KLHL18: variants seen among roughly 807,000 people sequenced by gnomAD.
KLHL18 encodes the protein kelch-like protein 18.
Under a neutral mutation model 58.5 loss-of-function variants are expected in KLHL18, and 38 were observed. The observed-to-expected ratio is 0.65, with a 90% CI of 0.50 to 0.85. The LOEUF (loss-of-function observed/expected upper bound fraction) is 0.85. Among genes scored for constraint, KLHL18 ranks in the 40% least tolerant of loss-of-function variants. KLHL18 has a pLI of 0.00. For missense variants in KLHL18, 624 were observed against 778.4 expected, an observed-to-expected ratio of 0.80 and a Z score of 2.36; for synonymous variants, 303 against 301.9, an observed-to-expected ratio of 1.00 and a Z score of -0.04.
intron 1 of KLHL18, among the ~76,000 whole-genome samples, chr3:47,301,796 T>TTTC (rs373421325): frequency 6.6e-6 from 1 of 152,162 alleles, no homozygotes; most frequent in African/African-American, 2.4e-5. Context: ...TTTTGTTTTG[T>TTTC]TTCTTCTTCT....
chr3:47,339,696 C>T (rs981272902), intron 7 of KLHL18, among the ~76,000 whole-genome samples: 1 of 152,096 alleles, frequency 6.6e-6, no homozygotes, highest in Non-Finnish European at 1.5e-5. Context: ...GGACATCATA[C>T]TTATCACTGT....
intron 1 of KLHL18, among the ~76,000 whole-genome samples, chr3:47,289,448 A>G (rs1227233421): frequency 6.6e-6 from 1 of 152,210 alleles, no homozygotes; most frequent in East Asian, 1.9e-4. Flanking sequence ...AGAGCTACAC[A>G]TTTGAATCTG....
chr3:47,309,383 G>A (rs537764803), intron 1 of KLHL18, among the ~76,000 whole-genome samples: 37 of 151,804 alleles, frequency 2.4e-4, no homozygotes, highest in African/African-American at 6.5e-4. Context: ...CAGACGGGGC[G>A]GCCGGGCAGA....
rs115060971 is a variant in KLHL18, at chr3:47,312,184, G to T, written c.130-7469G>T. Among the ~76,000 whole-genome samples the T allele has an allele frequency of 7.6e-3, 1,165 of 152,310 alleles. 17 individuals carry two copies. The highest frequency in any genetic ancestry group is 0.027 in the African/African-American group (1,110 of 41,564). On this transcript the variant is annotated intron_variant, in intron 1 of 9. Transcript: ENST00000232766. Reference sequence around the variant, plus strand: ...GCACTGTTTGTTGAATACACAAGGAGATCTCATGTCCTGATCTAGCCTCAG... The same window carrying T: ...GCACTGTTTGTTGAATACACAAGGATATCTCATGTCCTGATCTAGCCTCAG...
intron 1 of KLHL18, among the ~76,000 whole-genome samples, chr3:47,303,953 T>A (rs1156650033): frequency 6.6e-6 from 1 of 152,092 alleles, no homozygotes; most frequent in Non-Finnish European, 1.5e-5. Flanking sequence ...GGTCTCGAAC[T>A]GCTAGCCTGA....
chr3:47,342,399 T>C (rs1230612316), intron 8 of KLHL18, among the ~76,000 whole-genome samples: 1 of 152,070 alleles, frequency 6.6e-6, no homozygotes, highest in African/African-American at 2.4e-5. Context: ...GCACTGAGCT[T>C]TATAAGTACA....
intron 1 of KLHL18, among the ~76,000 whole-genome samples, chr3:47,316,532 TATATATAC>T (rs1186016504): frequency 0.079 from 540 of 6,872 alleles, 63 homozygotes; most frequent in Admixed American, 0.11. Context: ...TATATATGTA[TATATATAC>T]ATATATACAT....
chr3:47,298,988 T>C (rs1485379362), intron 1 of KLHL18, among the ~76,000 whole-genome samples: 1 of 152,250 alleles, frequency 6.6e-6, no homozygotes, highest in Non-Finnish European at 1.5e-5. Context: ...AAAGCTGCTA[T>C]GGATATTCAT....
intron 1 of KLHL18, among the ~76,000 whole-genome samples, chr3:47,288,902 G>T (rs931753784): frequency 6.6e-6 from 1 of 152,218 alleles, no homozygotes; most frequent in African/African-American, 2.4e-5. Flanking sequence ...GTTGAGTTTC[G>T]TGTCCTTTGC....
Position 47,334,781 on chromosome 3 carries a change from C to T in KLHL18, c.860C>T (p.Ala287Val). ...RTRPRCCTSI[A>V]GLIYAVGGLN... ...CGGCCACGCTGCTGCACATCCATCGCTGGACTTATCTACGCTGTAGGGGGC... is the reference window on the plus strand; with the variant it reads ...CGGCCACGCTGCTGCACATCCATCGTTGGACTTATCTACGCTGTAGGGGGC... Residue 287 changes from alanine to valine, a missense_variant, in exon 6 of 10, where the codon GCT becomes GTT. Transcript: ENST00000232766. This position sits in a 1 kb window ranked among gnomAD's most constrained non-coding sequence, Gnocchi z 4.7. The T allele has an allele frequency of 6.2e-7, 1 of 1,614,136 alleles. No individual in the cohort carries two copies. Among genetic ancestry groups the T allele is most frequent in the Non-Finnish European group, 8.5e-7 (1 of 1,180,004 alleles).
At chr3:47,329,196 G>A (rs1054611789) in intron 3 of KLHL18, among the ~76,000 whole-genome samples, 11 of 111,740 alleles carry the variant, frequency 9.8e-5, no homozygotes, top group Middle Eastern at 4.1e-3. Context: ...CCATCTGTCC[G>A]TGTTGTGTTT....
chr3:47,339,324 C>T (rs972573264), intron 7 of KLHL18, among the ~76,000 whole-genome samples: 30 of 150,818 alleles, frequency 2.0e-4, no homozygotes, highest in African/African-American at 6.6e-4. Flanking sequence ...GTGAGACCCC[C>T]GTCTATACAA....
intron 1 of KLHL18, among the ~76,000 whole-genome samples, chr3:47,309,287 A>ATTGC (rs1235188310): frequency 6.6e-6 from 1 of 152,044 alleles, no homozygotes; most frequent in African/African-American, 2.4e-5. Flanking sequence ...TGTTGGGTAC[A>ATTGC]CCTCCCAGAC....
At chr3:47,341,800 G>A (rs960465686) in intron 8 of KLHL18, among the ~76,000 whole-genome samples, 2 of 150,522 alleles carry the variant, frequency 1.3e-5, no homozygotes, top group Non-Finnish European at 2.9e-5. Flanking sequence ...GCTCACGCCT[G>A]TAATCCTAAC....
chr3:47,305,278 C>G (rs1446042887), intron 1 of KLHL18, among the ~76,000 whole-genome samples: 1 of 147,832 alleles, frequency 6.8e-6, no homozygotes, highest in Non-Finnish European at 1.5e-5. Flanking sequence ...GGAAGTTCCC[C>G]TCAATTCCTA....
At chr3:47,315,235 C>T (rs899955091) in intron 1 of KLHL18, among the ~76,000 whole-genome samples, 1 of 151,978 alleles carries the variant, frequency 6.6e-6, no homozygotes, top group Non-Finnish European at 1.5e-5. Flanking sequence ...AGTGTAGAAC[C>T]CTGGAATTGT....
At chr3:47,297,767 G>A in intron 1 of KLHL18, 1 of 392,740 alleles carries the variant, frequency 2.5e-6, no homozygotes, top group Non-Finnish European at 5.1e-6. Flanking sequence ...GTACAACTGA[G>A]TATGAGGCAC....
rs1345860845 is a variant in KLHL18, at chr3:47,329,936, T to C, written c.402-15T>C. 1.2e-6 allele frequency: 2 copies of C among 1,612,336 alleles called. No homozygotes were observed. Among genetic ancestry groups the C allele is most frequent in the South Asian group, 2.2e-5 (2 of 90,950 alleles). ...TTTCTTCCTCTAATTTTTTTTTTCT[T>C]TCCTTATGCCAAAGGCTTCACCCAA... On this transcript the variant is annotated splice_polypyrimidine_tract_variant and intron_variant, in intron 3 of 9. Coordinates refer to ENST00000232766, the MANE Select transcript of KLHL18 (RefSeq NM_025010.5).
chr3:47,342,113 T>C (rs1277030508), intron 8 of KLHL18, among the ~76,000 whole-genome samples: 1 of 151,918 alleles, frequency 6.6e-6, no homozygotes, highest in Non-Finnish European at 1.5e-5. Flanking sequence ...AAAAACCACA[T>C]GAAGGAACCT....
Sources: gnomAD v4.1 joint callset for allele counts (sites outside exome capture counted in the v4.1 genomes callset) on GRCh38, gnomAD v4.1.1 for gene constraint, Gnocchi (gnomAD v3.1) non-coding constraint, MANE v1.5 for transcripts, NCBI Gene and HGNC (gene_info 2026-07-23, HGNC 2026-07-21) for gene names.